The following CDH7 variants were observed in gnomAD, a reference collection of about 807,000 sequenced individuals.
The protein encoded by CDH7 is cadherin 7, also known as cadherin-7.
CDH7 carries 25 observed loss-of-function variants against 71.8 expected under a neutral mutation model. The ratio of observed to expected loss-of-function variants is 0.35; its 90% CI spans 0.25 to 0.49. CDH7 has a LOEUF of 0.49. CDH7 is among the 20% of genes least tolerant of loss of function. The pLI is 0.99. For synonymous variants in CDH7, 381 were observed against 363.8 expected (o/e 1.05, Z -0.54); for missense variants, 862 against 974.6 (o/e 0.88, Z 1.54).
chr18:65,874,852 C>T (rs1358223701), intron 11 of CDH7, among the ~76,000 whole-genome samples: 1 of 152,020 alleles, frequency 6.6e-6, no homozygotes, highest in Non-Finnish European at 1.5e-5. Flanking sequence ...GGTGCCAAAA[C>T]TGAATATTGA....
At chr18:65,820,610 C>A (rs948184827) in intron 4 of CDH7, among the ~76,000 whole-genome samples, 1 of 152,048 alleles carries the variant, frequency 6.6e-6, no homozygotes, top group African/African-American at 2.4e-5. Context: ...GTCAAAAATA[C>A]GTTCAATAGT....
intron 2 of CDH7, among the ~76,000 whole-genome samples, chr18:65,794,440 T>C (rs547152402): frequency 5.9e-5 from 9 of 152,260 alleles, no homozygotes; most frequent in African/African-American, 1.7e-4. Context: ...ATTGCTGTGC[T>C]GTTAATCTAT....
At chr18:65,852,132 A>T (rs1162600691) in intron 7 of CDH7, among the ~76,000 whole-genome samples, 1 of 151,190 alleles carries the variant, frequency 6.6e-6, no homozygotes, top group Non-Finnish European at 1.5e-5. Context: ...ACTGGTTATG[A>T]GTTTAGATAG....
intron 7 of CDH7, among the ~76,000 whole-genome samples, chr18:65,846,838 G>A (rs1912950786): frequency 6.6e-6 from 1 of 152,126 alleles, no homozygotes; most frequent in African/African-American, 2.4e-5. Flanking sequence ...ATAAGAGCGA[G>A]AAAGTAAATG....
At position 65,888,949 on chromosome 18, in the gene CDH7, T is replaced by A. The variant is rs754870312; in HGVS notation, c.*8055T>A. ...AATCTTAATTATGCTTTAGTTCCCT[T>A]ACCAGGATTAGGAAACTTCTTTGTG... On this transcript the variant is annotated 3_prime_UTR_variant, in exon 12 of 12. Transcript: ENST00000397968. The A allele has an allele frequency of 6.6e-5, 10 of 152,220 alleles. No homozygotes were observed. The highest frequency in any genetic ancestry group is 1.0e-4 in the Non-Finnish European group (7 of 68,030). The allele number at this position is 152,220 out of a possible 1,614,324, so 9.4% of individuals were successfully genotyped here.
At chr18:65,853,929 ATATAT>A (rs1913247640) in intron 7 of CDH7, among the ~76,000 whole-genome samples, 1 of 98,218 alleles carries the variant, frequency 1.0e-5, no homozygotes, top group Non-Finnish European at 2.2e-5. Flanking sequence ...ATATATATAT[ATATAT>A]ATATATATAT....
chr18:65,778,861 A>C (rs370510711), intron 2 of CDH7, among the ~76,000 whole-genome samples: 1 of 151,978 alleles, frequency 6.6e-6, no homozygotes, highest in African/African-American at 2.4e-5. Flanking sequence ...GGTTCAACTA[A>C]TGGTTTTTAT....
At chr18:65,773,912 C>T (rs1029172239) in intron 2 of CDH7, among the ~76,000 whole-genome samples, 4 of 151,736 alleles carry the variant, frequency 2.6e-5, no homozygotes, top group Admixed American at 1.3e-4. Context: ...TATTTGAAGG[C>T]AGCATTTTTA....
chr18:65,777,685 A>C (rs1910000782), intron 2 of CDH7, among the ~76,000 whole-genome samples: 1 of 152,134 alleles, frequency 6.6e-6, no homozygotes, highest in Non-Finnish European at 1.5e-5. Flanking sequence ...CCAGAGTATA[A>C]TTACTACTCA....
chr18:65,779,370 G>A (rs550549513), intron 2 of CDH7, among the ~76,000 whole-genome samples: 1,169 of 105,352 alleles, frequency 0.011, 16 homozygotes, highest in African/African-American at 0.046. Context: ...AGTTACATAT[G>A]TATACATGTG....
chr18:65,777,369 T>TA (rs1909984738), intron 2 of CDH7, among the ~76,000 whole-genome samples: 1 of 152,048 alleles, frequency 6.6e-6, no homozygotes, highest in Non-Finnish European at 1.5e-5. Context: ...AGTTTCTTGA[T>TA]AAAATGCATG....
At chr18:65,815,869 T>C (rs776511208) in intron 4 of CDH7, among the ~76,000 whole-genome samples, 1 of 152,178 alleles carries the variant, frequency 6.6e-6, no homozygotes, top group Non-Finnish European at 1.5e-5. Flanking sequence ...CTATGCCTAC[T>C]CTTGGCAACC....
chr18:65,762,202 A>G (rs1916210138), intron 1 of CDH7, among the ~76,000 whole-genome samples: 1 of 152,178 alleles, frequency 6.6e-6, no homozygotes. Flanking sequence ...TTAAACCAGC[A>G]TGTGTCCTTC....
chr18:65,762,420 T>C lies in CDH7; in HGVS notation c.-196-227T>C, dbSNP rs568378980. Among the ~76,000 whole-genome samples, 28 of 152,310 alleles carry C rather than the reference T, an allele frequency of 1.8e-4. No homozygotes were observed. The East Asian group carries it at 5.0e-3, about 27-fold the overall frequency. On this transcript the variant is annotated intron_variant, in intron 1 of 11. Transcript: ENST00000397968. Reference sequence around the variant, plus strand: ...GATATTTTAAAGTAGTGTTATGAAATGAAGATAGTTCTGCATCAGCTGTAT... The same window carrying C: ...GATATTTTAAAGTAGTGTTATGAAACGAAGATAGTTCTGCATCAGCTGTAT...
At chr18:65,766,723 T>C (rs1035270155) in intron 2 of CDH7, among the ~76,000 whole-genome samples, 1 of 151,850 alleles carries the variant, frequency 6.6e-6, no homozygotes, top group Non-Finnish European at 1.5e-5. Flanking sequence ...GGGAGGATCC[T>C]TTCTTTTCTC....
intron 6 of CDH7, among the ~76,000 whole-genome samples, chr18:65,829,078 A>G (rs545926962): frequency 6.6e-6 from 1 of 152,218 alleles, no homozygotes; most frequent in African/African-American, 2.4e-5. Flanking sequence ...ATGTATAGCA[A>G]CAGAAGGCAT....
intron 1 of CDH7, among the ~76,000 whole-genome samples, chr18:65,752,613 T>G (rs1942816): frequency 0.98 from 148,684 of 152,306 alleles, 72,587 homozygotes; most frequent in East Asian, 1. Flanking sequence ...AAGGCTATTT[T>G]GAACAGTATG....
chr18:65,814,491 C>T lies in CDH7; in HGVS notation c.512C>T (p.Ser171Leu). The T allele has an allele frequency of 1.9e-6, 3 of 1,613,886 alleles. No homozygotes were observed. The highest frequency in any genetic ancestry group is 1.1e-5 in the South Asian group (1 of 91,078). The stretch of plus-strand genomic sequence containing the variant: ...TTTTGGGATTGGCATCTAGGGACCT[C>T]AGTGGTACAAGTGACAGCGACGGAT... The part of the protein sequence containing the change: ...GVPEMSPVGT[S>L]VVQVTATDAD... The change falls in exon 4 of 12, where the codon TCA becomes TTA. Residue 171 changes from serine to leucine, a missense_variant. Transcript: ENST00000397968.
chr18:65,827,871 T>G (rs1235718999), intron 6 of CDH7, among the ~76,000 whole-genome samples: 1 of 151,912 alleles, frequency 6.6e-6, no homozygotes, highest in East Asian at 1.9e-4. Context: ...TTTTGCTGTT[T>G]GAAATAGATA....
Sources: gnomAD v4.1 joint callset for allele counts (sites outside exome capture counted in the v4.1 genomes callset) on GRCh38, gnomAD v4.1.1 for gene constraint, MANE v1.5 for transcripts, NCBI Gene and HGNC (gene_info 2026-07-23, HGNC 2026-07-21) for gene names.